EPHA3: variants seen among roughly 807,000 people sequenced by gnomAD.
The protein encoded by EPHA3 is EPH receptor A3, also known as ephrin type-A receptor 3.
In EPHA3, 42 loss-of-function variants were observed where a neutral mutation model predicts 107.1. That is an observed-to-expected ratio of 0.39 (90% CI 0.31 to 0.51). The LOEUF (loss-of-function observed/expected upper bound fraction) is 0.51, where lower values mean the gene tolerates loss of function less well. EPHA3 is among the 20% of genes least tolerant of loss of function. EPHA3 has a pLI of 0.78. For missense variants in EPHA3, 1,183 were observed against 1,211.2 expected (o/e 0.98, Z 0.35); for synonymous variants, 461 against 424.8 (o/e 1.09, Z -1.05).
chr3:89,189,206 A>C (rs1157463590), intron 2 of EPHA3, among the ~76,000 whole-genome samples: 2 of 152,248 alleles, frequency 1.3e-5, no homozygotes, highest in Non-Finnish European at 2.9e-5. Flanking sequence ...ACCTTAAACT[A>C]TAATTGACAT....
chr3:89,444,895 C>G (rs1480140164), intron 13 of EPHA3, among the ~76,000 whole-genome samples: 1 of 152,068 alleles, frequency 6.6e-6, no homozygotes, highest in Non-Finnish European at 1.5e-5. Flanking sequence ...AATAAGCTAC[C>G]TATTAGCAGA....
At chr3:89,399,163 A>C (rs1330513787) in intron 6 of EPHA3, among the ~76,000 whole-genome samples, 155 bp from the exon 7 acceptor site, 1 of 152,098 alleles carries the variant, frequency 6.6e-6, no homozygotes, top group African/African-American at 2.4e-5. Flanking sequence ...CGTTCAGAGA[A>C]TAAAATAATT....
chr3:89,186,150 A>G (rs970265348), intron 2 of EPHA3, among the ~76,000 whole-genome samples: 8 of 151,772 alleles, frequency 5.3e-5, no homozygotes, highest in African/African-American at 1.9e-4. Flanking sequence ...TCTTACATTC[A>G]TAATTGGCAG....
chr3:89,136,338 T>TTTTTTTTTTTTTTTTTG (rs1704313174), intron 2 of EPHA3, among the ~76,000 whole-genome samples: 1 of 135,244 alleles, frequency 7.4e-6, no homozygotes, highest in African/African-American at 2.7e-5. Context: ...GGCTTTTTTT[T>TTTTTTTTTTTTTTTTTG]TTTTTTTTTT....
chr3:89,253,847 A>C (rs577515237), intron 3 of EPHA3, among the ~76,000 whole-genome samples: 31 of 151,992 alleles, frequency 2.0e-4, no homozygotes, highest in Non-Finnish European at 3.7e-4. Flanking sequence ...TAGCAAAAGC[A>C]TGTATTATGG....
chr3:89,210,598 C>G, intron 3 of EPHA3, 78 bp downstream of exon 3: 2 of 1,433,606 alleles, frequency 1.4e-6, no homozygotes, highest in Non-Finnish European at 1.9e-6. Context: ...ATGAAATGCA[C>G]TCAGTCTCAA....
intron 3 of EPHA3, among the ~76,000 whole-genome samples, chr3:89,288,959 C>T (rs1171036330): frequency 1.3e-5 from 2 of 152,120 alleles, no homozygotes; most frequent in African/African-American, 4.8e-5. Flanking sequence ...TTTATGTATA[C>T]ATTAAATATA....
chr3:89,201,195 G>A (rs1279898019), intron 2 of EPHA3, among the ~76,000 whole-genome samples: 2 of 152,030 alleles, frequency 1.3e-5, no homozygotes, highest in Admixed American at 6.5e-5. Context: ...AGAGCAAAGA[G>A]GGAAGGTTTG....
At chr3:89,385,938 T>C (rs565391013) in intron 5 of EPHA3, among the ~76,000 whole-genome samples, 2 of 152,284 alleles carry the variant, frequency 1.3e-5, no homozygotes, top group East Asian at 3.9e-4. Context: ...GATGAGGAAC[T>C]TGTTGGCAGC....
chr3:89,183,292 T>C (rs1365493898), intron 2 of EPHA3, among the ~76,000 whole-genome samples: 1 of 151,950 alleles, frequency 6.6e-6, no homozygotes, highest in Non-Finnish European at 1.5e-5. Context: ...CTTCCTAATC[T>C]CTTCCCACTG....
intron 2 of EPHA3, among the ~76,000 whole-genome samples, chr3:89,144,795 T>G (rs943449016): frequency 4.6e-5 from 7 of 151,698 alleles, no homozygotes; most frequent in Admixed American, 4.0e-4. Context: ...TGTTTATATT[T>G]TCAATGCCCA....
rs1427638086 is a variant in EPHA3 at position 89,413,275 on chromosome 3, A to G, written c.1888+9A>G. The G allele has an allele frequency of 6.2e-7, 1 of 1,611,346 alleles. No individual in the cohort carries two copies. Among genetic ancestry groups the G allele is most frequent in the East Asian group, 2.2e-5 (1 of 44,808 alleles). ...TAAAGTTGTTGGAGCAGGTAACCACAATGACCCTACTGCCAACTTAGTACT... is the reference window on the plus strand; with the variant it reads ...TAAAGTTGTTGGAGCAGGTAACCACGATGACCCTACTGCCAACTTAGTACT... On this transcript the variant is annotated intron_variant, in intron 10 of 16. Transcript: ENST00000336596.
At chr3:89,154,125 T>G (rs563285597) in intron 2 of EPHA3, among the ~76,000 whole-genome samples, 56 of 151,998 alleles carry the variant, frequency 3.7e-4, no homozygotes, top group African/African-American at 1.3e-3. Context: ...TTGCATTTAC[T>G]GTTTTTATTT....
At chr3:89,143,587 A>G (rs905333684) in intron 2 of EPHA3, among the ~76,000 whole-genome samples, 2 of 151,562 alleles carry the variant, frequency 1.3e-5, no homozygotes, top group Non-Finnish European at 3.0e-5. Flanking sequence ...TTTTAAAAAA[A>G]TTCTTTTTAA....
In EPHA3 at chr3:89,472,505, C is replaced by T; in HGVS notation, c.2732C>T (p.Thr911Ile). 1 of 1,614,108 alleles carries T rather than the reference C, an allele frequency of 6.2e-7. No homozygotes were observed. Among genetic ancestry groups the T allele is most frequent in the Non-Finnish European group, 8.5e-7 (1 of 1,179,998 alleles). The change falls in exon 16 of 17, where the codon ACT becomes ATT. Residue 911 changes from threonine (T) to isoleucine (I), a missense_variant. By Grantham distance (89) the Thr-to-Ile change is moderately conservative. Transcript: ENST00000336596. ...LLLDQSNVDITTFRTTGDWLN... is the reference protein window; with the variant it reads ...LLLDQSNVDIITFRTTGDWLN... ...CTGGACCAAAGCAATGTGGATATCA[C>T]TACCTTCCGCACAACAGGTGACTGG...
intron 2 of EPHA3, among the ~76,000 whole-genome samples, chr3:89,176,632 T>C (rs1384991055): frequency 6.6e-6 from 1 of 152,130 alleles, no homozygotes; most frequent in Non-Finnish European, 1.5e-5. Context: ...ACAGAGTTGC[T>C]GTGTGCAACC....
intron 1 of EPHA3, among the ~76,000 whole-genome samples, chr3:89,123,214 G>A (rs1707428429): frequency 6.6e-6 from 1 of 152,094 alleles, no homozygotes; most frequent in African/African-American, 2.4e-5. Flanking sequence ...GCGCAATCTC[G>A]GCTCACTGCA....
intron 2 of EPHA3, among the ~76,000 whole-genome samples, chr3:89,136,446 C>T (rs1241222117): frequency 1.4e-4 from 20 of 140,018 alleles, no homozygotes; most frequent in Admixed American, 6.9e-4. Flanking sequence ...TTTATTCTAG[C>T]GACTTTTAAT....
chr3:89,441,875 G>A (rs115461579), intron 13 of EPHA3, among the ~76,000 whole-genome samples: 1,559 of 152,244 alleles, frequency 0.01, 28 homozygotes, highest in African/African-American at 0.036. Flanking sequence ...GTGTGACTCA[G>A]TTAAAATTTA....
Sources: allele counts gnomAD v4.1 joint callset (sites outside exome capture counted in the v4.1 genomes callset), GRCh38; gene constraint gnomAD v4.1.1; transcripts MANE v1.5; gene names NCBI Gene and HGNC (gene_info 2026-07-23, HGNC 2026-07-21).